RAB3GAP2: variants seen among roughly 807,000 people sequenced by gnomAD.
The protein encoded by RAB3GAP2 is RAB3 GTPase activating non-catalytic protein subunit 2, also known as rab3 GTPase-activating protein non-catalytic subunit.
A neutral mutation model predicts 185.3 loss-of-function variants in RAB3GAP2; 87 were observed. The ratio of observed to expected loss-of-function variants is 0.47; its 90% CI spans 0.39 to 0.56. The LOEUF (loss-of-function observed/expected upper bound fraction) is 0.56. Among genes scored for constraint, RAB3GAP2 ranks in the 20% least tolerant of loss-of-function variants. The pLI, the probability that RAB3GAP2 is intolerant of heterozygous loss-of-function variation, is 0.00. For synonymous variants in RAB3GAP2, 554 were observed against 576.1 expected, an observed-to-expected ratio of 0.96 and a Z score of 0.55; for missense variants, 1,492 against 1,638.2, an observed-to-expected ratio of 0.91 and a Z score of 1.54.
chr1:220,229,222 G>A (rs1659455551), intron 2 of RAB3GAP2, among the ~76,000 whole-genome samples: 1 of 152,100 alleles, frequency 6.6e-6, no homozygotes, highest in African/African-American at 2.4e-5. Context: ...ACCCTCATGA[G>A]TATGAGAAAT....
rs1252357072 is a variant in RAB3GAP2, at chr1:220,170,979, C to G, written c.2719G>C (p.Gly907Arg). ...LILQTLLHSKGNTQTSKVSSL... is the reference protein window; with the variant it reads ...LILQTLLHSKRNTQTSKVSSL... Reference sequence around the variant, plus strand: ...GACACTTTGGAGGTCTGAGTGTTCCCTTTGCTGTGAAGCAGAGTCTGAAGT... The same window carrying G: ...GACACTTTGGAGGTCTGAGTGTTCCGTTTGCTGTGAAGCAGAGTCTGAAGT... The change falls in exon 24 of 35, where the codon GGG becomes CGG. Residue 907 changes from glycine to arginine, a missense_variant. This residue lies in a region of RAB3GAP2 where 681 missense variants were observed against 689.1 expected (regional missense o/e 0.99). Transcript: ENST00000358951. The G allele has an allele frequency of 1.2e-6, 2 of 1,614,186 alleles. No individual in the cohort carries two copies. Among genetic ancestry groups the G allele is most frequent in the Admixed American group, 1.7e-5 (1 of 60,030 alleles).
chr1:220,216,142 C>A (rs1447184351), intron 2 of RAB3GAP2, among the ~76,000 whole-genome samples: 1 of 152,036 alleles, frequency 6.6e-6, no homozygotes, highest in East Asian at 1.9e-4. Context: ...AATTATTTTT[C>A]TTTTGCAATG....
chr1:220,165,685 T>C (rs1158138856), intron 26 of RAB3GAP2, among the ~76,000 whole-genome samples: 1 of 152,222 alleles, frequency 6.6e-6, no homozygotes, highest in Non-Finnish European at 1.5e-5. Context: ...CTTTTAAATG[T>C]AAGCAACATT....
chr1:220,193,499 T>G, intron 12 of RAB3GAP2, 120 bp from the exon 13 acceptor site: 1 of 929,624 alleles, frequency 1.1e-6, no homozygotes, highest in Non-Finnish European at 1.6e-6. Flanking sequence ...AAATATGAAT[T>G]TTACCTGGAT....
rs931035268 is a variant in RAB3GAP2, at chr1:220,150,614, C to T, written c.*637G>A. 1.3e-5 allele frequency: 2 copies of T among 152,602 alleles called. No individual in the cohort carries two copies. The highest frequency in any genetic ancestry group is 1.3e-4 in the Admixed American group (2 of 15,262). 9.5% of individuals were successfully genotyped at this position (152,602 alleles called of 1,614,324 possible). On this transcript the variant is annotated 3_prime_UTR_variant, in exon 35 of 35. Coordinates refer to ENST00000358951, the MANE Select transcript of RAB3GAP2 (RefSeq NM_012414.4). Reference sequence around the variant, plus strand: ...CTCTGATTCTCAATTTTGGCAAGTACAACAGGTTAAGGGTTCTATTTAGTG... The same window carrying T: ...CTCTGATTCTCAATTTTGGCAAGTATAACAGGTTAAGGGTTCTATTTAGTG...
chr1:220,217,527 ACTCC>A (rs1659221378), intron 2 of RAB3GAP2, among the ~76,000 whole-genome samples: 1 of 151,674 alleles, frequency 6.6e-6, no homozygotes, highest in Non-Finnish European at 1.5e-5. Flanking sequence ...AAGTCTTACT[ACTCC>A]CTGCTACCTG....
Position 220,196,302 on chromosome 1 carries a change from T to C in RAB3GAP2, c.908A>G (p.Gln303Arg), listed in dbSNP as rs754005017. 2 of 1,612,700 alleles carry C rather than the reference T, an allele frequency of 1.2e-6. No individual in the cohort carries two copies. ...TGGATTGGACCCTACAGTGATATAC[T>C]GAGACATGGCAGGTGGACTATTTTT... ...AIKNSPPAMS[Q>R]YITVGSNPFT... Residue 303 changes from glutamine (Q) to arginine (R), a missense_variant, in exon 10 of 35, where the codon CAG becomes CGG. Gln to Arg is a conservative substitution (Grantham distance 43). Transcript: ENST00000358951.
intron 13 of RAB3GAP2, among the ~76,000 whole-genome samples, chr1:220,191,802 G>A (rs1244699617): frequency 2.0e-5 from 3 of 150,192 alleles, no homozygotes; most frequent in African/African-American, 4.9e-5. Flanking sequence ...TGGGCAACAA[G>A]AGCGAAACTC....
chr1:220,254,258 G>A, intron 1 of RAB3GAP2: 1 of 1,613,484 alleles, frequency 6.2e-7, no homozygotes, highest in South Asian at 1.1e-5. Context: ...GTAATGTTGG[G>A]TACCCAGCTA....
At chr1:220,238,027 T>C (rs997599820) in intron 1 of RAB3GAP2, among the ~76,000 whole-genome samples, 1 of 152,098 alleles carries the variant, frequency 6.6e-6, no homozygotes, top group East Asian at 1.9e-4. Context: ...CTCTTCAAAA[T>C]CTGATGAGTG....
rs1203690065 is a variant in RAB3GAP2 at position 220,164,817 on chromosome 1, A to G, written c.3088-18T>C. On this transcript the variant is annotated intron_variant, in intron 26 of 34. Coordinates refer to ENST00000358951, the MANE Select transcript of RAB3GAP2 (RefSeq NM_012414.4). ...CGTGCTTCCTTACATACAGGGAGAA[A>G]AAAACGAGAAAGAAAAAGAGGTATC... The G allele has an allele frequency of 3.1e-6, 5 of 1,598,636 alleles. No homozygotes were observed. The highest frequency in any genetic ancestry group is 2.2e-5 in the East Asian group (1 of 44,634).
chr1:220,168,399 C>CTT (rs746471692), intron 24 of RAB3GAP2, among the ~76,000 whole-genome samples: 78 of 139,090 alleles, frequency 5.6e-4, no homozygotes, highest in African/African-American at 1.7e-3. Context: ...GTAAATATTC[C>CTT]TTTTTTTTTT....
chr1:220,176,019 C>A (rs1417934561), intron 21 of RAB3GAP2, among the ~76,000 whole-genome samples: 1 of 151,862 alleles, frequency 6.6e-6, no homozygotes, highest in Non-Finnish European at 1.5e-5. Flanking sequence ...TTTTAAATTG[C>A]AGGAAACATT....
rs879825551 is a variant in RAB3GAP2, at chr1:220,269,504, G to A, written c.115+2719C>T. Among the ~76,000 whole-genome samples, 40 of 152,212 alleles carry A rather than the reference G, an allele frequency of 2.6e-4. No individual in the cohort carries two copies. The East Asian group carries it at 6.8e-3, about 26-fold the overall frequency. ...TTTGGGAGGCCAAGGCAGGTGGATC[G>A]CAAGGTCAGGAGTTCAAGACCAGCC... is the stretch of plus-strand genomic sequence containing the variant. On this transcript the variant is annotated intron_variant, in intron 1 of 34. Coordinates refer to ENST00000358951, the MANE Select transcript of RAB3GAP2 (RefSeq NM_012414.4).
rs769335060 is a variant in RAB3GAP2, at chr1:220,184,111, T to G, written c.1923A>C (p.Lys641Asn). ...TGACAGACTCATAGAGTTGCAGCAG[T>G]TTTAGTTTATTGGCACAAAACTGTA... is the stretch of plus-strand genomic sequence containing the variant. ...GLLQFCANKL[K>N]LLQLYESVSQ... Residue 641 changes from lysine to asparagine, a missense_variant, in exon 19 of 35, where the codon AAA (lysine) becomes AAC (asparagine). Lys to Asn is a moderately conservative substitution (Grantham distance 94). Coordinates refer to ENST00000358951, the MANE Select transcript of RAB3GAP2 (RefSeq NM_012414.4). 3.1e-6 allele frequency: 5 copies of G among 1,609,752 alleles called. No individual in the cohort carries two copies. In the South Asian group the frequency reaches 5.5e-5, roughly 18 times the overall value.
At chr1:220,163,941 ATC>A (rs1453587155) in intron 27 of RAB3GAP2, among the ~76,000 whole-genome samples, 3 of 151,904 alleles carry the variant, frequency 2.0e-5, no homozygotes, top group Admixed American at 6.6e-5. Context: ...ATAAGGTGAT[ATC>A]TCCTCTTACC....
intron 21 of RAB3GAP2, among the ~76,000 whole-genome samples, chr1:220,174,019 C>CAA (rs398050108): frequency 3.9e-4 from 20 of 50,868 alleles, no homozygotes; most frequent in Admixed American, 6.3e-4. Flanking sequence ...GACTCTGTCT[C>CAA]AAAAAAAAAA....
chr1:220,157,847 T>C lies in RAB3GAP2; in HGVS notation c.3291A>G (p.Thr1097=), dbSNP rs1411747717. The part of the protein sequence containing the change: ...RDVGMSDTAM[T]SFLGSCLDLL... ...GATCCAAACAGGAGCCGAGGAAAGA[T>C]GTCATTGCTGTGTCACTCATTCCCA... The change falls in exon 30 of 35, where the codon ACA becomes ACG. Residue 1097 remains threonine, a synonymous_variant. Transcript: ENST00000358951. 7 of 1,613,794 alleles carry C rather than the reference T, an allele frequency of 4.3e-6. No homozygotes were observed. The highest frequency in any genetic ancestry group is 5.9e-6 in the Non-Finnish European group (7 of 1,179,736).
chr1:220,193,168 GGAT>G, intron 13 of RAB3GAP2, 69 bp downstream of exon 13: 1 of 1,557,950 alleles, frequency 6.4e-7, no homozygotes, highest in East Asian at 2.2e-5. Context: ...AGAAGCTGAA[GGAT>G]GATAACATTG....
Sources: allele counts gnomAD v4.1 joint callset (sites outside exome capture counted in the v4.1 genomes callset), GRCh38; gene constraint gnomAD v4.1.1; regional missense constraint gnomAD v4.1.1; transcripts MANE v1.5; gene names NCBI Gene and HGNC (gene_info 2026-07-23, HGNC 2026-07-21).